Variants in OPCML observed in about 807,000 individuals in gnomAD.
OPCML encodes the protein opioid-binding protein/cell adhesion molecule.
Under a neutral mutation model 37.8 loss-of-function variants are expected in OPCML, and 13 were observed. That is an observed-to-expected ratio of 0.34 (90% CI 0.22 to 0.55). The LOEUF (loss-of-function observed/expected upper bound fraction) is 0.55. Ranked by LOEUF, OPCML falls within the 20% of genes least tolerant of loss-of-function variation. The pLI, the probability that OPCML is intolerant of heterozygous loss-of-function variation, is 0.91. For synonymous variants in OPCML, 176 were observed against 168.8 expected (o/e 1.04, Z -0.33); for missense variants, 341 against 435.6 (o/e 0.78, Z 1.93).
At chr11:133,379,366 G>A (rs887039738) in intron 1 of OPCML, among the ~76,000 whole-genome samples, 2 of 152,112 alleles carry the variant, frequency 1.3e-5, no homozygotes, top group African/African-American at 4.8e-5. Context: ...CCTCTCAGCT[G>A]AGCTCTTTAG....
intron 1 of OPCML, among the ~76,000 whole-genome samples, chr11:133,482,267 C>T (rs1027978160): frequency 6.6e-6 from 1 of 152,062 alleles, no homozygotes; most frequent in Non-Finnish European, 1.5e-5. Context: ...GGGAAGAGAA[C>T]ATCTGAGAGG....
intron 3 of OPCML, among the ~76,000 whole-genome samples, chr11:132,653,286 G>C (rs988568148): frequency 6.6e-6 from 1 of 152,144 alleles, no homozygotes; most frequent in Non-Finnish European, 1.5e-5. Flanking sequence ...GTTTCCTGTG[G>C]ACAGTGCCTC....
intron 2 of OPCML, among the ~76,000 whole-genome samples, chr11:132,703,307 T>C (rs1205378343): frequency 1.3e-5 from 2 of 152,212 alleles, no homozygotes; most frequent in Non-Finnish European, 2.9e-5. Context: ...TAAATATATC[T>C]AAACATTAAA....
At chr11:133,213,345 T>C (rs1447129276) in intron 1 of OPCML, among the ~76,000 whole-genome samples, 1 of 151,970 alleles carries the variant, frequency 6.6e-6, no homozygotes, top group Non-Finnish European at 1.5e-5. Flanking sequence ...ATGAATAATT[T>C]AAAAGATCCT....
At chr11:132,615,854 T>C (rs183466115) in intron 3 of OPCML, among the ~76,000 whole-genome samples, 36 of 152,242 alleles carry the variant, frequency 2.4e-4, no homozygotes, top group Admixed American at 1.4e-3. Flanking sequence ...AGGCAAAGTA[T>C]ATGTTTTAGG....
chr11:132,561,360 A>T (rs780840070), intron 3 of OPCML, among the ~76,000 whole-genome samples: 41 of 152,152 alleles, frequency 2.7e-4, no homozygotes, highest in African/African-American at 9.7e-4. Context: ...CTGGGTCCTC[A>T]TCTCCTCCAT....
At chr11:133,029,687 A>C (rs969037086) in intron 1 of OPCML, among the ~76,000 whole-genome samples, 2 of 152,092 alleles carry the variant, frequency 1.3e-5, no homozygotes, top group African/African-American at 4.8e-5. Context: ...CATGGACAGA[A>C]AAACGGGAAC....
chr11:132,573,515 T>C (rs1027346172), intron 3 of OPCML, among the ~76,000 whole-genome samples: 1 of 152,054 alleles, frequency 6.6e-6, no homozygotes, highest in African/African-American at 2.4e-5. Context: ...GAGATAATCA[T>C]GTGATTTTTA....
chr11:132,477,218 C>T (rs73585049), intron 4 of OPCML, among the ~76,000 whole-genome samples: 1,751 of 152,282 alleles, frequency 0.011, 24 homozygotes, highest in African/African-American at 0.037. Context: ...AGTCCCCATA[C>T]ACCCATCTCA....
intron 1 of OPCML, chr11:133,005,505 AGAGT>A: frequency 3.0e-6 from 3 of 985,426 alleles, no homozygotes; most frequent in Non-Finnish European, 3.6e-6. Context: ...CATATTTGGT[AGAGT>A]GAGTGCAGCT....
At chr11:132,521,090 G>A (rs1035011560) in intron 4 of OPCML, among the ~76,000 whole-genome samples, 2 of 152,066 alleles carry the variant, frequency 1.3e-5, no homozygotes, top group African/African-American at 2.4e-5. Context: ...GCATGAGATG[G>A]TATCTCATTG....
At chr11:132,739,099 A>G (rs566712714) in intron 2 of OPCML, among the ~76,000 whole-genome samples, 1 of 152,210 alleles carries the variant, frequency 6.6e-6, no homozygotes, top group Non-Finnish European at 1.5e-5. Flanking sequence ...CAGAATCTAT[A>G]TAACAAATCT....
intron 2 of OPCML, among the ~76,000 whole-genome samples, chr11:132,872,130 A>G (rs12421058): frequency 0.048 from 7,333 of 152,272 alleles, 276 homozygotes; most frequent in Non-Finnish European, 0.061. Flanking sequence ...CCTTTTATCA[A>G]TGACTTACTA....
In OPCML at chr11:132,647,984, G is replaced by A. The variant is rs77155477; in HGVS notation, c.379+9103C>T. Reference sequence around the variant, plus strand: ...AAGAATAGGGACAACAGTTACTTTCGTCAAGGCACTATGTTTGAGGGTAAT... The same window carrying A: ...AAGAATAGGGACAACAGTTACTTTCATCAAGGCACTATGTTTGAGGGTAAT... On this transcript the variant is annotated intron_variant, in intron 3 of 7. Coordinates refer to ENST00000524381, the MANE Select transcript of OPCML (RefSeq NM_001012393.5). Among the ~76,000 whole-genome samples the A allele has an allele frequency of 8.3e-3, 1,263 of 152,220 alleles. 22 individuals are homozygous for A. The highest frequency in any genetic ancestry group is 0.027 in the African/African-American group (1,131 of 41,514).
chr11:132,742,212 T>C (rs899927398), intron 2 of OPCML, among the ~76,000 whole-genome samples: 1 of 152,098 alleles, frequency 6.6e-6, no homozygotes, highest in East Asian at 1.9e-4. Context: ...ACAAGAGTGG[T>C]CTTACTAGTT....
At chr11:132,479,436 C>G (rs552038333) in intron 4 of OPCML, among the ~76,000 whole-genome samples, 1 of 152,308 alleles carries the variant, frequency 6.6e-6, no homozygotes, top group East Asian at 1.9e-4. Flanking sequence ...AAGGCAGCAG[C>G]GAGGCTGGGG....
chr11:132,670,942 A>G (rs561809056), intron 2 of OPCML, among the ~76,000 whole-genome samples: 24 of 152,296 alleles, frequency 1.6e-4, no homozygotes, highest in African/African-American at 4.3e-4. Context: ...ATCTCTTCCA[A>G]TCACAACCCA....
chr11:132,442,392 C>T (rs1397975160), intron 4 of OPCML, among the ~76,000 whole-genome samples: 2 of 152,126 alleles, frequency 1.3e-5, no homozygotes, highest in Non-Finnish European at 2.9e-5. Context: ...TCCTTTTGTG[C>T]CAGCGATATC....
Position 132,985,605 on chromosome 11 carries a change from C to G in OPCML, c.62-42595G>C, listed in dbSNP as rs1396569104. On this transcript the variant is annotated intron_variant, in intron 1 of 7. Coordinates refer to ENST00000524381, the MANE Select transcript of OPCML (RefSeq NM_001012393.5). ...TTCCCTTAGATAAATTCAAAATAAA[C>G]TGGTGAAGGACCTAATCACATATGA... 2.0e-5 allele frequency among the ~76,000 whole-genome samples: 3 copies of G among 152,216 alleles called. No individual in the cohort carries two copies. The East Asian group carries it at 5.8e-4, about 29-fold the overall frequency.
Sources: gnomAD v4.1 joint callset for allele counts (sites outside exome capture counted in the v4.1 genomes callset) on GRCh38, gnomAD v4.1.1 for gene constraint, MANE v1.5 for transcripts, NCBI Gene and HGNC (gene_info 2026-07-23, HGNC 2026-07-21) for gene names.